MAST4: variants seen among roughly 807,000 people sequenced by gnomAD.
The protein encoded by MAST4 is microtubule-associated serine/threonine-protein kinase 4.
MAST4 carries 89 observed loss-of-function variants against 162.7 expected under a neutral mutation model. The ratio of observed to expected loss-of-function variants is 0.55; its 90% CI spans 0.46 to 0.65. MAST4 has a LOEUF of 0.65. Ranked by LOEUF, MAST4 falls within the 30% of genes least tolerant of loss-of-function variation. The pLI, the probability that MAST4 is intolerant of heterozygous loss-of-function variation, is 0.00. For synonymous variants in MAST4, 1,479 were observed against 1,361.1 expected, an observed-to-expected ratio of 1.09 and a Z score of -1.91; for missense variants, 3,153 against 3,374.0, an observed-to-expected ratio of 0.93 and a Z score of 1.62.
intron 3 of MAST4, among the ~76,000 whole-genome samples, chr5:66,893,308 C>T (rs1404602686): frequency 6.6e-6 from 1 of 151,996 alleles, no homozygotes. Context: ...TGGGTTCAAG[C>T]GATTCTCCTG....
At chr5:66,777,130 TAAATGGTGAA>T (rs966913355) in intron 2 of MAST4, among the ~76,000 whole-genome samples, 1 of 152,158 alleles carries the variant, frequency 6.6e-6, no homozygotes, top group African/African-American at 2.4e-5. Context: ...CTCTAGCTAA[TAAATGGTGAA>T]AGGAGGATGC....
chr5:66,914,831 C>T (rs1452563881), intron 4 of MAST4, among the ~76,000 whole-genome samples: 1 of 152,184 alleles, frequency 6.6e-6, no homozygotes, highest in Non-Finnish European at 1.5e-5. Flanking sequence ...CAGGGTTTCT[C>T]TCACTGTCTT....
intron 9 of MAST4, 27 bp from the exon 10 acceptor site, chr5:67,104,339 C>A (rs1183402050): frequency 2.6e-6 from 4 of 1,524,094 alleles, no homozygotes; most frequent in Non-Finnish European, 3.6e-6. Context: ...CGTATTACAT[C>A]TGTGTATGTG....
intron 10 of MAST4, among the ~76,000 whole-genome samples, chr5:67,104,882 G>T (rs1414517829): frequency 6.6e-6 from 1 of 152,126 alleles, no homozygotes; most frequent in Non-Finnish European, 1.5e-5. Flanking sequence ...TAACCATAAA[G>T]TTATAAATTG....
intron 1 of MAST4, among the ~76,000 whole-genome samples, chr5:66,694,779 G>A (rs13186376): frequency 0.11 from 16,475 of 152,130 alleles, 981 homozygotes; most frequent in East Asian, 0.26. Flanking sequence ...GAGCCACCAC[G>A]CCCAGCCAAT....
chr5:67,039,707 C>G (rs1352196964), intron 4 of MAST4, among the ~76,000 whole-genome samples: 1 of 152,104 alleles, frequency 6.6e-6, no homozygotes, highest in East Asian at 1.9e-4. Context: ...GTGTCTCATC[C>G]CATCTCCTGC....
At chr5:66,631,865 G>A (rs1272021331) in intron 1 of MAST4, among the ~76,000 whole-genome samples, 1 of 152,146 alleles carries the variant, frequency 6.6e-6, no homozygotes, top group Non-Finnish European at 1.5e-5. Flanking sequence ...GAACCAAAGA[G>A]AATTTAAATA....
chr5:66,704,702 G>A (rs181095765), intron 1 of MAST4, among the ~76,000 whole-genome samples: 133 of 151,872 alleles, frequency 8.8e-4, no homozygotes, highest in Middle Eastern at 3.4e-3. Context: ...GGGTTTCACC[G>A]TGTTAGCCAG....
At chr5:66,819,791 T>TTTC (rs1554055541) in intron 3 of MAST4, among the ~76,000 whole-genome samples, 1 of 150,342 alleles carries the variant, frequency 6.7e-6, no homozygotes, top group Non-Finnish European at 1.5e-5. Flanking sequence ...TTTTTTTTTT[T>TTTC]CCAACAGGGT....
At chr5:66,996,201 C>T (rs1290087403) in intron 4 of MAST4, among the ~76,000 whole-genome samples, 3 of 152,104 alleles carry the variant, frequency 2.0e-5, no homozygotes, top group Non-Finnish European at 4.4e-5. Context: ...GTTGCTTGAA[C>T]CCCGGAGGCA....
intron 2 of MAST4, among the ~76,000 whole-genome samples, chr5:66,778,099 G>T (rs754724733): frequency 6.6e-6 from 1 of 152,146 alleles, no homozygotes; most frequent in Non-Finnish European, 1.5e-5. Flanking sequence ...TTCTCTGGGT[G>T]CCGTCACGCA....
At chr5:66,664,352 T>A (rs1354415605) in intron 1 of MAST4, among the ~76,000 whole-genome samples, 1 of 148,586 alleles carries the variant, frequency 6.7e-6, no homozygotes, top group African/African-American at 2.5e-5. Flanking sequence ...GGAGAATCGC[T>A]TGAACCCGGG....
At chr5:67,067,522 T>C in intron 5 of MAST4, among the ~76,000 whole-genome samples, 1 of 152,228 alleles carries the variant, frequency 6.6e-6, no homozygotes, top group South Asian at 2.1e-4. Context: ...CATCATAGTG[T>C]GTAAATACAA....
chr5:66,786,805 G>C (rs1755138610), intron 2 of MAST4, among the ~76,000 whole-genome samples: 1 of 152,208 alleles, frequency 6.6e-6, no homozygotes, highest in South Asian at 2.1e-4. Context: ...ATGTTTTTGA[G>C]ATGGTGATCA....
chr5:66,894,097 A>G (rs987118126), intron 3 of MAST4, among the ~76,000 whole-genome samples: 1 of 152,222 alleles, frequency 6.6e-6, no homozygotes, highest in Non-Finnish European at 1.5e-5. Flanking sequence ...GGAAATATCT[A>G]AAAACCTGAA....
intron 1 of MAST4, among the ~76,000 whole-genome samples, chr5:66,673,557 T>G (rs1747758487): frequency 6.7e-6 from 1 of 149,492 alleles, no homozygotes; most frequent in Non-Finnish European, 1.5e-5. Context: ...GACAGAGTCT[T>G]GCTCTGTCAC....
intron 7 of MAST4, among the ~76,000 whole-genome samples, chr5:67,098,374 C>T (rs962187513): frequency 6.6e-6 from 1 of 151,982 alleles, no homozygotes; most frequent in African/African-American, 2.4e-5. Flanking sequence ...ATTTTTGGAC[C>T]TTTTCCAATG....
intron 4 of MAST4, among the ~76,000 whole-genome samples, chr5:66,979,201 A>C (rs1411082092): frequency 1.3e-5 from 2 of 152,204 alleles, no homozygotes; most frequent in Non-Finnish European, 1.5e-5. Flanking sequence ...AGAAAGGTCC[A>C]GCCTGCTGTT....
intron 21 of MAST4, 139 bp from the exon 22 acceptor site, chr5:67,144,530 A>T: frequency 1.2e-6 from 1 of 817,578 alleles, no homozygotes; most frequent in Non-Finnish European, 1.9e-6. Flanking sequence ...GGTTAACAAC[A>T]CTGGAAAGTA....
Sources: gnomAD v4.1 joint callset for allele counts (sites outside exome capture counted in the v4.1 genomes callset) on GRCh38, gnomAD v4.1.1 for gene constraint, MANE v1.5 for transcripts, NCBI Gene and HGNC (gene_info 2026-07-23, HGNC 2026-07-21) for gene names.